Variants in CPNE4 observed in about 807,000 individuals in gnomAD.
CPNE4 encodes the protein copine 4.
A neutral mutation model predicts 67.9 loss-of-function variants in CPNE4; 25 were observed. That is an observed-to-expected ratio of 0.37 (90% CI 0.27 to 0.51). The LOEUF (loss-of-function observed/expected upper bound fraction) is 0.51, where lower values mean the gene tolerates loss of function less well. Ranked by LOEUF, CPNE4 falls within the 20% of genes least tolerant of loss-of-function variation. The probability of loss-of-function intolerance (pLI) is 0.93; values close to 1 mark genes in which losing one functional copy is unlikely to be tolerated. For synonymous variants in CPNE4, 242 were observed against 244.9 expected (o/e 0.99, Z 0.11); for missense variants, 464 against 690.8 (o/e 0.67, Z 3.68).
At chr3:131,724,074 C>G (rs1221013610) in intron 2 of CPNE4, among the ~76,000 whole-genome samples, 3 of 152,070 alleles carry the variant, frequency 2.0e-5, no homozygotes, top group Non-Finnish European at 4.4e-5. Context: ...GAGGTCACAT[C>G]TAGGCTCAGG....
intron 9 of CPNE4, among the ~76,000 whole-genome samples, chr3:131,576,172 G>A (rs1480469764): frequency 1.3e-5 from 2 of 152,048 alleles, no homozygotes; most frequent in Non-Finnish European, 2.9e-5. Flanking sequence ...AAAAATCAGT[G>A]TTGGTCTCTC....
In CPNE4 at chr3:132,029,344, G is replaced by A. The variant is rs374557245; in HGVS notation, c.-2+5223C>T. Reference sequence around the variant, plus strand: ...TCTCCGCAGCGAGGCAATCCAGGCCGGAGAGTCAGATGCACCTGAGAAAAC... The same window carrying A: ...TCTCCGCAGCGAGGCAATCCAGGCCAGAGAGTCAGATGCACCTGAGAAAAC... On this transcript the variant is annotated intron_variant, in intron 1 of 15. Coordinates refer to ENST00000429747, the MANE Select transcript of CPNE4 (RefSeq NM_130808.3). 7.6e-4 allele frequency among the ~76,000 whole-genome samples: 116 copies of A among 152,280 alleles called. No individual in the cohort carries two copies. The South Asian group carries it at 0.015, about 20-fold the overall frequency.
chr3:132,014,100 G>A (rs2073835889), intron 1 of CPNE4, among the ~76,000 whole-genome samples: 1 of 152,116 alleles, frequency 6.6e-6, no homozygotes, highest in South Asian at 2.1e-4. Context: ...ACCCTTTCTT[G>A]AGGGCTCCTA....
chr3:131,898,849 A>T (rs1018678018), intron 2 of CPNE4, among the ~76,000 whole-genome samples: 42 of 151,836 alleles, frequency 2.8e-4, no homozygotes, highest in Non-Finnish European at 4.1e-4. Flanking sequence ...TTGTTTTTTT[A>T]AAAAATTATT....
chr3:131,874,609 T>C (rs1432609640), intron 2 of CPNE4, among the ~76,000 whole-genome samples: 2 of 152,350 alleles, frequency 1.3e-5, no homozygotes, highest in East Asian at 3.9e-4. Context: ...AGAGATTAAA[T>C]GAATTTATGT....
chr3:131,716,153 T>C (rs1011925760), intron 3 of CPNE4, among the ~76,000 whole-genome samples: 1 of 152,134 alleles, frequency 6.6e-6, no homozygotes, highest in African/African-American at 2.4e-5. Context: ...TCTATTTTCC[T>C]TTCCTAAAGG....
intron 3 of CPNE4, among the ~76,000 whole-genome samples, chr3:131,700,579 C>T (rs78522908): frequency 0.025 from 3,874 of 152,278 alleles, 116 homozygotes; most frequent in African/African-American, 0.074. Flanking sequence ...CTATTCCTAG[C>T]AGAACTTGTC....
intron 2 of CPNE4, among the ~76,000 whole-genome samples, chr3:131,887,707 G>C (rs1365526010): frequency 1.3e-5 from 2 of 152,142 alleles, no homozygotes; most frequent in Non-Finnish European, 2.9e-5. Context: ...CCCTACATTT[G>C]CATCTTTCAA....
At chr3:131,710,774 C>G (rs1278769527) in intron 3 of CPNE4, among the ~76,000 whole-genome samples, 2 of 152,096 alleles carry the variant, frequency 1.3e-5, no homozygotes, top group Non-Finnish European at 2.9e-5. Context: ...AGTGGGAAGA[C>G]CTGGGGCATT....
intron 7 of CPNE4, among the ~76,000 whole-genome samples, chr3:131,660,578 C>A (rs1022272094): frequency 6.6e-6 from 1 of 152,122 alleles, no homozygotes; most frequent in Non-Finnish European, 1.5e-5. Flanking sequence ...TCCATCATCA[C>A]GGAAAGTTTT....
intron 2 of CPNE4, among the ~76,000 whole-genome samples, chr3:131,837,948 A>G (rs2085622198): frequency 1.3e-5 from 2 of 151,970 alleles, no homozygotes; most frequent in Admixed American, 1.3e-4. Context: ...ATAATTGAAC[A>G]GTTTTTAGTA....
chr3:131,570,671 G>GACTT (rs1937292309), intron 10 of CPNE4, among the ~76,000 whole-genome samples: 1 of 151,998 alleles, frequency 6.6e-6, no homozygotes, highest in African/African-American at 2.4e-5. Context: ...GAGTTCTTAT[G>GACTT]ACTTAAGGAT....
At chr3:131,902,333 C>T (rs759819297) in intron 2 of CPNE4, among the ~76,000 whole-genome samples, 9 of 151,954 alleles carry the variant, frequency 5.9e-5, no homozygotes, top group African/African-American at 1.2e-4. Flanking sequence ...TTTAATAGGA[C>T]GCTTTGGAAA....
chr3:131,635,046 T>C (rs1430816283), intron 7 of CPNE4, among the ~76,000 whole-genome samples: 8 of 152,166 alleles, frequency 5.3e-5, no homozygotes, highest in Non-Finnish European at 1.2e-4. Flanking sequence ...GGCTCAATCA[T>C]AAGGATGAAA....
chr3:131,650,772 A>AAAAAAAAAT (rs1560048206), intron 7 of CPNE4, among the ~76,000 whole-genome samples: 16 of 144,582 alleles, frequency 1.1e-4, no homozygotes, highest in African/African-American at 3.8e-4. Flanking sequence ...AAAAAAAAAA[A>AAAAAAAAAT]ATTCTATTAT....
intron 10 of CPNE4, among the ~76,000 whole-genome samples, chr3:131,567,614 C>G (rs766677927): frequency 6.6e-6 from 1 of 151,920 alleles, no homozygotes; most frequent in Non-Finnish European, 1.5e-5. Flanking sequence ...TTCCTATCAA[C>G]TCTTCATTGT....
intron 2 of CPNE4, among the ~76,000 whole-genome samples, chr3:131,754,813 T>G (rs1252285237): frequency 2.0e-5 from 3 of 152,214 alleles, no homozygotes; most frequent in African/African-American, 7.2e-5. Flanking sequence ...TAACATCAGA[T>G]GTTTTCAAGA....
At chr3:131,832,336 G>C (rs2085407228) in intron 2 of CPNE4, among the ~76,000 whole-genome samples, 1 of 152,152 alleles carries the variant, frequency 6.6e-6, no homozygotes, top group South Asian at 2.1e-4. Context: ...CAAGATAATA[G>C]AAGAGTGAAC....
intron 2 of CPNE4, among the ~76,000 whole-genome samples, chr3:131,761,049 T>A (rs923289579): frequency 4.6e-5 from 7 of 152,092 alleles, no homozygotes; most frequent in Non-Finnish European, 8.8e-5. Flanking sequence ...ATCTTAGCCT[T>A]CAGGGCCTGA....
Sources: gnomAD v4.1 joint callset for allele counts (sites outside exome capture counted in the v4.1 genomes callset) on GRCh38, gnomAD v4.1.1 for gene constraint, MANE v1.5 for transcripts, NCBI Gene and HGNC (gene_info 2026-07-23, HGNC 2026-07-21) for gene names.